The following FAM81A variants were observed in gnomAD, a reference collection of about 807,000 sequenced individuals.
FAM81A encodes protein FAM81A.
In FAM81A, 19 loss-of-function variants were observed where a neutral mutation model predicts 46.7. The ratio of observed to expected loss-of-function variants is 0.41; its 90% CI spans 0.28 to 0.60. The LOEUF (loss-of-function observed/expected upper bound fraction) is 0.60, where lower values mean the gene tolerates loss of function less well. Among genes scored for constraint, FAM81A ranks in the 20% least tolerant of loss-of-function variants. The pLI is 0.34. For missense variants in FAM81A, 377 were observed against 453.5 expected (o/e 0.83, Z 1.53); for synonymous variants, 183 against 152.9 (o/e 1.20, Z -1.45).
intron 3 of FAM81A, among the ~76,000 whole-genome samples, chr15:59,474,908 C>T (rs1157888785): frequency 1.3e-5 from 2 of 152,182 alleles, no homozygotes; most frequent in African/African-American, 2.4e-5. Context: ...CTTCTATAAT[C>T]GACTCTCAAA....
At chr15:59,491,688 T>C (rs1001952543) in intron 3 of FAM81A, among the ~76,000 whole-genome samples, 2 of 152,210 alleles carry the variant, frequency 1.3e-5, no homozygotes, top group African/African-American at 4.8e-5. Context: ...CTCAAACCTG[T>C]AATCCCAGCA....
At chr15:59,471,796 G>C (rs1440266613) in intron 3 of FAM81A, among the ~76,000 whole-genome samples, 5 of 152,050 alleles carry the variant, frequency 3.3e-5, no homozygotes, top group Non-Finnish European at 7.4e-5. Context: ...TACATACATA[G>C]TTATCAAATT....
At chr15:59,489,221 C>T (rs1002620519) in intron 3 of FAM81A, among the ~76,000 whole-genome samples, 5 of 151,858 alleles carry the variant, frequency 3.3e-5, no homozygotes, top group Non-Finnish European at 5.9e-5. Flanking sequence ...GCCGAGATTG[C>T]GCCACTGCAC....
At chr15:59,405,640 CA>C (rs761885459) in intron 2 of FAM81A, among the ~76,000 whole-genome samples, 5 of 91,434 alleles carry the variant, frequency 5.5e-5, no homozygotes, top group Middle Eastern at 5.0e-3. Context: ...GACTTCATCT[CA>C]AAAAAAAAGA....
chr15:59,494,385 T>A (rs1402821254), intron 4 of FAM81A, among the ~76,000 whole-genome samples: 2 of 152,144 alleles, frequency 1.3e-5, no homozygotes, highest in Non-Finnish European at 2.9e-5. Flanking sequence ...CTTGGTGCCC[T>A]GCATGCGATG....
At chr15:59,470,532 G>T (rs545844884) in intron 3 of FAM81A, among the ~76,000 whole-genome samples, 4 of 151,978 alleles carry the variant, frequency 2.6e-5, no homozygotes, top group Admixed American at 2.0e-4. Context: ...CGAAGTTCTC[G>T]TGCCATGGTT....
At chr15:59,422,415 G>T (rs1276069111) in intron 2 of FAM81A, among the ~76,000 whole-genome samples, 1 of 151,776 alleles carries the variant, frequency 6.6e-6, no homozygotes, top group Admixed American at 6.6e-5. Flanking sequence ...AAAACAAAGT[G>T]TTCTATTCAG....
upstream of FAM81A, among the ~76,000 whole-genome samples, chr15:59,433,788 C>T (rs1428042096): frequency 1.3e-4 from 20 of 152,106 alleles, no homozygotes. Flanking sequence ...GAATAACGTC[C>T]CAAGGTCTGA....
chr15:59,472,635 C>CT (rs1482215370), intron 3 of FAM81A, among the ~76,000 whole-genome samples: 2 of 151,332 alleles, frequency 1.3e-5, no homozygotes, highest in Non-Finnish European at 2.9e-5. Context: ...ACTGTAGCCT[C>CT]TAACTCCTGG....
chr15:59,440,842 A>G (rs768440280), intron 1 of FAM81A, among the ~76,000 whole-genome samples: 8 of 151,926 alleles, frequency 5.3e-5, no homozygotes, highest in Non-Finnish European at 2.9e-5. Flanking sequence ...CTTTGTTTCA[A>G]TGTGTTGGGC....
At chr15:59,493,746 G>A (rs1227168537) in intron 4 of FAM81A, among the ~76,000 whole-genome samples, 1 of 151,898 alleles carries the variant, frequency 6.6e-6, no homozygotes, top group African/African-American at 2.4e-5. Context: ...CGCCACCACG[G>A]CCAGCTAAGT....
chr15:59,463,849 T>A (rs1431433177), intron 3 of FAM81A, among the ~76,000 whole-genome samples: 4 of 152,178 alleles, frequency 2.6e-5, no homozygotes, highest in African/African-American at 9.7e-5. Flanking sequence ...ATTTTAAAAT[T>A]GACAGACAAT....
At chr15:59,434,259 G>A (rs1454965150), upstream of FAM81A, among the ~76,000 whole-genome samples, 3 of 152,164 alleles carry the variant, frequency 2.0e-5, no homozygotes, top group African/African-American at 7.2e-5. Context: ...TGCTCTCCTT[G>A]TCTGCAGCCC....
chr15:59,401,388 A>G (rs2081069425), intron 1 of FAM81A: 1 of 789,288 alleles, frequency 1.3e-6, no homozygotes, highest in Non-Finnish European at 2.3e-6. Flanking sequence ...TACAGTGGGG[A>G]CGACGGGTTC....
At chr15:59,459,629 A>G (rs958511302) in intron 2 of FAM81A, among the ~76,000 whole-genome samples, 4 of 152,006 alleles carry the variant, frequency 2.6e-5, no homozygotes, top group African/African-American at 9.7e-5. Context: ...GACTTTGTTA[A>G]TGCACTTGAT....
chr15:59,433,981 G>A (rs1248939736), upstream of FAM81A, among the ~76,000 whole-genome samples: 4 of 152,098 alleles, frequency 2.6e-5, no homozygotes, highest in African/African-American at 7.2e-5. Flanking sequence ...TCAGTGTCCC[G>A]AGTAGCTGGG....
At chr15:59,401,675 TTC>T in intron 1 of FAM81A, 1 of 804,404 alleles carries the variant, frequency 1.2e-6, no homozygotes, top group Non-Finnish European at 2.3e-6. Context: ...CTCTTTTCGT[TTC>T]TGTTTGATCA....
chr15:59,440,503 A>G (rs1223256314), intron 1 of FAM81A, among the ~76,000 whole-genome samples: 1 of 152,150 alleles, frequency 6.6e-6, no homozygotes, highest in Non-Finnish European at 1.5e-5. Flanking sequence ...CTTGCCAGTG[A>G]CTTTGGGTTT....
intron 1 of FAM81A, among the ~76,000 whole-genome samples, chr15:59,456,100 T>C (rs1488556055): frequency 6.6e-6 from 1 of 152,010 alleles, no homozygotes; most frequent in African/African-American, 2.4e-5. Context: ...TACAAACAGA[T>C]AAAGAGCTGG....
Sources: gnomAD v4.1 joint callset for allele counts (sites outside exome capture counted in the v4.1 genomes callset) on GRCh38, gnomAD v4.1.1 for gene constraint, MANE v1.5 for transcripts, NCBI Gene and HGNC (gene_info 2026-07-23, HGNC 2026-07-21) for gene names.